CANX: variants seen among roughly 807,000 people sequenced by gnomAD.
The protein encoded by CANX is calnexin, also known as epididymis secretory sperm binding protein.
A neutral mutation model predicts 75.7 loss-of-function variants in CANX; 14 were observed. The ratio of observed to expected loss-of-function variants is 0.19; its 90% confidence interval spans 0.12 to 0.29. The LOEUF (loss-of-function observed/expected upper bound fraction) is 0.29, where lower values mean the gene tolerates loss of function less well. CANX is among the 10% of genes least tolerant of loss of function. The pLI, the probability that CANX is intolerant of heterozygous loss-of-function variation, is 1.00. For synonymous variants in CANX, 227 were observed against 236.9 expected, an observed-to-expected ratio of 0.96 and a Z score of 0.38; for missense variants, 567 against 713.2, an observed-to-expected ratio of 0.79 and a Z score of 2.34.
chr5:179,693,588 C>T (rs5029247), upstream of CANX, among the ~76,000 whole-genome samples: 11,183 of 151,946 alleles, frequency 0.074, 806 homozygotes, highest in East Asian at 0.37. Context: ...GCAGGAGAAT[C>T]GCTTAAACTG....
intron 1 of CANX, among the ~76,000 whole-genome samples, chr5:179,689,081 C>T (rs1161555270): frequency 3.3e-5 from 5 of 152,016 alleles, no homozygotes; most frequent in Admixed American, 2.0e-4. Flanking sequence ...AAACCCCCTC[C>T]CTACTAAAAA....
upstream of CANX, among the ~76,000 whole-genome samples, chr5:179,697,233 T>C (rs1776427520): frequency 6.6e-6 from 1 of 152,124 alleles, no homozygotes; most frequent in Non-Finnish European, 1.5e-5. Flanking sequence ...AATTTTTTTA[T>C]TTTTATGTTT....
At chr5:179,685,152 G>A (rs1241340597) in intron 1 of CANX, among the ~76,000 whole-genome samples, 3 of 151,914 alleles carry the variant, frequency 2.0e-5, no homozygotes, top group African/African-American at 4.8e-5. Context: ...AGGCTGGAGC[G>A]CAGTGGCGCA....
chr5:179,722,170 A>C lies in CANX; in HGVS notation c.1183-634A>C, dbSNP rs141137452. Among the ~76,000 whole-genome samples, 536 of 152,306 alleles carry C rather than the reference A, an allele frequency of 3.5e-3. 3 individuals are homozygous for C. Among genetic ancestry groups the C allele is most frequent in the African/African-American group, 0.012 (503 of 41,572 alleles). ...CATAGTGAAACACCATCTCTACTAA[A>C]AGCACAAAAATTGGCCTGGTATGGT... On this transcript the variant is annotated intron_variant, in intron 10 of 14. Transcript: ENST00000247461.
chr5:179,694,404 C>G (rs781173368), upstream of CANX: 5 of 624,412 alleles, frequency 8.0e-6, no homozygotes, highest in African/African-American at 1.8e-5. Flanking sequence ...GCACTGTGAT[C>G]GGGAAATGAA....
intron 5 of CANX, 99 bp from the exon 6 acceptor site, chr5:179,708,879 G>A (rs1777331682): frequency 3.0e-6 from 2 of 662,112 alleles, no homozygotes; most frequent in African/African-American, 1.8e-5. Context: ...TTTGACCTAT[G>A]ATAAAACGTG....
intron 7 of CANX, among the ~76,000 whole-genome samples, chr5:179,714,245 C>G (rs1000484415): frequency 1.3e-5 from 2 of 152,208 alleles, no homozygotes; most frequent in African/African-American, 2.4e-5. Flanking sequence ...AAATGATGGG[C>G]CTGCCTCAGC....
chr5:179,711,785 CA>C (rs71001042), intron 7 of CANX, among the ~76,000 whole-genome samples: 96,368 of 105,316 alleles, frequency 0.92, 44,053 homozygotes, highest in East Asian at 0.98. Flanking sequence ...GACTCTGTCT[CA>C]AAAAAAAAAA....
chr5:179,681,351 C>T (rs952550302), intron 1 of CANX, among the ~76,000 whole-genome samples: 1 of 152,134 alleles, frequency 6.6e-6, no homozygotes, highest in Non-Finnish European at 1.5e-5. Flanking sequence ...GCTAACAGAG[C>T]GTGTCATGGG....
intron 13 of CANX, among the ~76,000 whole-genome samples, chr5:179,725,057 C>G (rs113613950): frequency 0.014 from 2,084 of 152,230 alleles, 41 homozygotes; most frequent in African/African-American, 0.044. Context: ...AGGTCCCACT[C>G]TGTCACTCAG....
At chr5:179,717,095 C>G (rs1396699462) in intron 8 of CANX, among the ~76,000 whole-genome samples, 1 of 152,164 alleles carries the variant, frequency 6.6e-6, no homozygotes, top group African/African-American at 2.4e-5. Context: ...CTTGCAACTT[C>G]ACACAGTGAC....
intron 8 of CANX, among the ~76,000 whole-genome samples, chr5:179,716,969 A>G (rs1581881040): frequency 6.6e-6 from 1 of 152,196 alleles, no homozygotes; most frequent in Admixed American, 6.5e-5. Flanking sequence ...GAGGAGCAGC[A>G]ATGAGCTTGA....
At chr5:179,724,608 C>T (rs1257471948) in intron 12 of CANX, 49 bp from the exon 13 acceptor site, 1 of 1,513,916 alleles carries the variant, frequency 6.6e-7, no homozygotes, top group South Asian at 1.1e-5. Context: ...AATTATATAA[C>T]ATAATACATG....
intron 8 of CANX, among the ~76,000 whole-genome samples, chr5:179,718,208 G>A (rs1581884057): frequency 6.6e-6 from 1 of 151,932 alleles, no homozygotes; most frequent in South Asian, 2.1e-4. Flanking sequence ...ACAGAGTCTC[G>A]TTTTGTCACC....
chr5:179,704,090 A>G (rs1347330308), intron 1 of CANX: 5 of 152,156 alleles, frequency 3.3e-5, no homozygotes, highest in African/African-American at 1.2e-4. Context: ...CCCAAAAATG[A>G]AAATTTACCT....
chr5:179,679,337 A>G, intron 1 of CANX: 1 of 1,293,306 alleles, frequency 7.7e-7, no homozygotes, highest in Non-Finnish European at 1.0e-6. Context: ...GCCGGCGGAC[A>G]TGTCTTAGCC....
chr5:179,686,102 C>CTTTTTTTTTTTT (rs757104413), intron 1 of CANX, among the ~76,000 whole-genome samples: 2,287 of 127,876 alleles, frequency 0.018, 162 homozygotes, highest in African/African-American at 0.034. Context: ...TTGTTCAAGT[C>CTTTTTTTTTTTT]TTTTTTTTTT....
At chr5:179,685,174 C>T (rs903773471) in intron 1 of CANX, among the ~76,000 whole-genome samples, 1 of 152,172 alleles carries the variant, frequency 6.6e-6, no homozygotes, top group Non-Finnish European at 1.5e-5. Flanking sequence ...CCTCGGGTCA[C>T]TGCAACCTCC....
At chr5:179,708,891 C>A in intron 5 of CANX, 87 bp from the exon 6 acceptor site, 1 of 704,726 alleles carries the variant, frequency 1.4e-6, no homozygotes, top group South Asian at 1.6e-5. Flanking sequence ...TAAAACGTGA[C>A]TAAGATGAGG....
Sources: allele counts gnomAD v4.1 joint callset (sites outside exome capture counted in the v4.1 genomes callset), GRCh38; gene constraint gnomAD v4.1.1; transcripts MANE v1.5; gene names NCBI Gene and HGNC (gene_info 2026-07-23, HGNC 2026-07-21).